ADAMTS2: variants seen among roughly 807,000 people sequenced by gnomAD.
ADAMTS2 encodes ADAM metallopeptidase with thrombospondin type 1 motif 2, also known as A disintegrin and metalloproteinase with thrombospondin motifs 2.
Under a neutral mutation model 123.0 loss-of-function variants are expected in ADAMTS2, and 50 were observed. The observed-to-expected ratio is 0.41, with a 90% CI of 0.32 to 0.51. The LOEUF (loss-of-function observed/expected upper bound fraction) is 0.51. ADAMTS2 is among the 20% of genes least tolerant of loss of function. The probability of loss-of-function intolerance (pLI) is 0.35; values close to 1 mark genes in which losing one functional copy is unlikely to be tolerated. For synonymous variants in ADAMTS2, 678 were observed against 695.4 expected (o/e 0.98, Z 0.39); for missense variants, 1,494 against 1,705.2 (o/e 0.88, Z 2.18).
rs138224741 is a variant in ADAMTS2 at position 179,124,734 on chromosome 5, T to C, written c.2958+239A>G. ...TCCCACCCAAGCTCAGTTTGGGAGC[T>C]GAGGACACGGGATCAGGGGATTGCT... On this transcript the variant is annotated intron_variant, in intron 19 of 21. Coordinates refer to ENST00000251582, the MANE Select transcript of ADAMTS2 (RefSeq NM_014244.5). Among the ~76,000 whole-genome samples, 586 of 152,336 alleles carry C rather than the reference T, an allele frequency of 3.8e-3. 8 individuals carry two copies. The highest frequency in any genetic ancestry group is 0.013 in the African/African-American group (560 of 41,590).
intron 2 of ADAMTS2, among the ~76,000 whole-genome samples, chr5:179,325,437 C>A (rs1416159468): frequency 6.6e-6 from 1 of 152,230 alleles, no homozygotes; most frequent in African/African-American, 2.4e-5. Context: ...CATAGCTCCT[C>A]CTGACACATC....
chr5:179,129,232 G>T lies in ADAMTS2; in HGVS notation c.2457+700C>A, dbSNP rs909713085. On this transcript the variant is annotated intron_variant, in intron 16 of 21. Coordinates refer to ENST00000251582, the MANE Select transcript of ADAMTS2 (RefSeq NM_014244.5). The surrounding 1 kb of genome is among the most constrained non-coding windows in gnomAD (Gnocchi z 4.1). ...AGGCGAGGCAGGCAGGGTGCCAGGG[G>T]GTACACGGGGCATACCTGGCTCACT... Among the ~76,000 whole-genome samples the T allele has an allele frequency of 1.3e-5, 2 of 152,170 alleles. No individual in the cohort carries two copies. Among genetic ancestry groups the T allele is most frequent in the Non-Finnish European group, 2.9e-5 (2 of 68,036 alleles).
chr5:179,288,155 A>AGG (rs1561690850), intron 2 of ADAMTS2, among the ~76,000 whole-genome samples: 1 of 149,334 alleles, frequency 6.7e-6, no homozygotes, highest in Non-Finnish European at 1.5e-5. Flanking sequence ...CCCTCTCAGG[A>AGG]CCCCTCCGGC....
At chr5:179,334,789 T>G (rs543372471) in intron 2 of ADAMTS2, among the ~76,000 whole-genome samples, 2 of 152,316 alleles carry the variant, frequency 1.3e-5, no homozygotes, top group Non-Finnish European at 2.9e-5. Context: ...AGCCTTCCTG[T>G]GTACCAATAG....
At position 179,345,258 on chromosome 5, in the gene ADAMTS2, G is replaced by GGCAGCAGCA. The variant is rs568040559; in HGVS notation, c.62_70dup (p.Leu21_Leu23dup). On this transcript the variant is annotated inframe_insertion, in exon 1 of 22. Transcript: ENST00000251582. The surrounding 1 kb of genome is among the most constrained non-coding windows in gnomAD (Gnocchi z 7.5). Reference sequence around the variant, plus strand: ...CGGCGGCGGCGGCAGGAGCGGCGGCGGCAGCAGCAGCAGCAGCAGCAGCAG... The same window carrying GGCAGCAGCA: ...CGGCGGCGGCGGCAGGAGCGGCGGCGGCAGCAGCAGCAGCAGCAGCAGCAGCAGCAGCAG... 68 of 1,136,338 alleles carry GGCAGCAGCA rather than the reference G, an allele frequency of 6.0e-5. No individual in the cohort carries two copies. Among genetic ancestry groups the GGCAGCAGCA allele is most frequent in the Middle Eastern group, 3.7e-4 (1 of 2,738 alleles). 70.4% of individuals were successfully genotyped at this position (1,136,338 alleles called of 1,614,324 possible).
rs563735915 is a variant in ADAMTS2 at position 179,241,571 on chromosome 5, A to G, written c.688+31340T>C. On this transcript the variant is annotated intron_variant, in intron 3 of 21. Coordinates refer to ENST00000251582, the MANE Select transcript of ADAMTS2 (RefSeq NM_014244.5). ...CATGAAAATTGCCATGTCAAAGGCCATTCTGTAATTTCAGTGTATTAAAAT... is the reference window on the plus strand; with the variant it reads ...CATGAAAATTGCCATGTCAAAGGCCGTTCTGTAATTTCAGTGTATTAAAAT... Among the ~76,000 whole-genome samples, 26 of 152,372 alleles carry G rather than the reference A, an allele frequency of 1.7e-4. No homozygotes were observed. In the East Asian group the frequency reaches 4.4e-3, roughly 26 times the overall value.
In ADAMTS2 at chr5:179,118,686, T is replaced by A. The variant is rs934365254; in HGVS notation, c.3178+2975A>T. On this transcript the variant is annotated intron_variant, in intron 21 of 21. Coordinates refer to ENST00000251582, the MANE Select transcript of ADAMTS2 (RefSeq NM_014244.5). The surrounding 1 kb of genome is among the most constrained non-coding windows in gnomAD (Gnocchi z 4.5). ...CTAAAATAGGAATACAAAAAAAAAG[T>A]TTAAAGTCCTTTTAAAGTCAATTTC... Among the ~76,000 whole-genome samples the A allele has an allele frequency of 6.6e-6, 1 of 152,164 alleles. No individual in the cohort carries two copies. The highest frequency in any genetic ancestry group is 2.4e-5 in the African/African-American group (1 of 41,418).
chr5:179,142,651 C>A (rs1763190885), intron 10 of ADAMTS2, among the ~76,000 whole-genome samples: 1 of 152,148 alleles, frequency 6.6e-6, no homozygotes, highest in South Asian at 2.1e-4. Flanking sequence ...AAGAGATAGT[C>A]AAAGAGCCTG....
At chr5:179,341,245 G>A in intron 2 of ADAMTS2, 1 of 269,812 alleles carries the variant, frequency 3.7e-6, no homozygotes, top group South Asian at 3.2e-5. Flanking sequence ...GAAGAGGCCG[G>A]GCGCGGTGGC....
chr5:179,180,802 C>T lies in ADAMTS2; in HGVS notation c.975+270G>A, dbSNP rs1255385731. Among the ~76,000 whole-genome samples the T allele has an allele frequency of 6.6e-6, 1 of 152,168 alleles. No individual in the cohort carries two copies. Among genetic ancestry groups the T allele is most frequent in the Non-Finnish European group, 1.5e-5 (1 of 68,028 alleles). On this transcript the variant is annotated intron_variant, in intron 5 of 21. Transcript: ENST00000251582. This position sits in a 1 kb window ranked among gnomAD's most constrained non-coding sequence, Gnocchi z 4.6. ...GCCTCCTGACCACCCCTGGTGCCTCCCTGTGTGGCCCCCGTGGCCTGGTAT... is the reference window on the plus strand; with the variant it reads ...GCCTCCTGACCACCCCTGGTGCCTCTCTGTGTGGCCCCCGTGGCCTGGTAT...
At chr5:179,244,007 C>T (rs1014094844) in intron 3 of ADAMTS2, among the ~76,000 whole-genome samples, 3 of 151,894 alleles carry the variant, frequency 2.0e-5, no homozygotes, top group Admixed American at 6.6e-5. Flanking sequence ...GAAAAGTAAA[C>T]GGAACTTAAG....
At chr5:179,250,351 T>C (rs1220575785) in intron 3 of ADAMTS2, among the ~76,000 whole-genome samples, 1 of 152,100 alleles carries the variant, frequency 6.6e-6, no homozygotes, top group Non-Finnish European at 1.5e-5. Flanking sequence ...GGCATCCACA[T>C]TGCAAAGGAA....
chr5:179,241,806 A>G (rs141028417), intron 3 of ADAMTS2, among the ~76,000 whole-genome samples: 7 of 152,384 alleles, frequency 4.6e-5, no homozygotes, highest in Non-Finnish European at 1.0e-4. Flanking sequence ...AATAAACTAT[A>G]GGCAAAATAG....
intron 3 of ADAMTS2, among the ~76,000 whole-genome samples, chr5:179,214,905 C>T (rs114258824): frequency 0.016 from 2,495 of 151,960 alleles, 55 homozygotes; most frequent in Middle Eastern, 0.065. Context: ...TAATCTCCGT[C>T]GAATAATTGT....
intron 10 of ADAMTS2, among the ~76,000 whole-genome samples, chr5:179,146,877 C>T (rs1230000940): frequency 6.6e-6 from 1 of 151,942 alleles, no homozygotes; most frequent in Non-Finnish European, 1.5e-5. Context: ...TACATATATC[C>T]AAATCACAGT....
chr5:179,205,251 T>G (rs1764652954), intron 4 of ADAMTS2, among the ~76,000 whole-genome samples: 1 of 152,150 alleles, frequency 6.6e-6, no homozygotes, highest in South Asian at 2.1e-4. Context: ...GGGCCCCACA[T>G]TTGGTCAGCG....
intron 10 of ADAMTS2, 40 bp downstream of exon 10, chr5:179,152,102 C>G (rs1437991996): frequency 5.7e-6 from 9 of 1,576,552 alleles, no homozygotes; most frequent in Admixed American, 3.3e-5. Context: ...TTCCTGTCCT[C>G]TGCCCTGCTG....
At chr5:179,114,691 C>T (rs1169029669) in intron 21 of ADAMTS2, among the ~76,000 whole-genome samples, 2 of 152,238 alleles carry the variant, frequency 1.3e-5, no homozygotes, top group African/African-American at 2.4e-5. Flanking sequence ...CACATCTTCA[C>T]ATTTGACATC....
rs181423345 is a variant in ADAMTS2, at chr5:179,225,502, C to T, written c.689-17787G>A. 1.6e-3 allele frequency among the ~76,000 whole-genome samples: 242 copies of T among 152,280 alleles called. No individual in the cohort carries two copies. The highest frequency in any genetic ancestry group is 5.6e-3 in the African/African-American group (231 of 41,550). The stretch of plus-strand genomic sequence containing the variant: ...CCACCCTGGTCCACCATGTCCCCAT[C>T]CTGTGCCTATAAAAACCCGAGACCC... On this transcript the variant is annotated intron_variant, in intron 3 of 21. Coordinates refer to ENST00000251582, the MANE Select transcript of ADAMTS2 (RefSeq NM_014244.5). The surrounding 1 kb of genome is among the most constrained non-coding windows in gnomAD (Gnocchi z 4.5).
Sources: allele counts gnomAD v4.1 joint callset (sites outside exome capture counted in the v4.1 genomes callset), GRCh38; gene constraint gnomAD v4.1.1; non-coding constraint Gnocchi (gnomAD v3.1); transcripts MANE v1.5; gene names NCBI Gene and HGNC (gene_info 2026-07-23, HGNC 2026-07-21).